SLC25A12: variants seen among roughly 807,000 people sequenced by gnomAD.
The protein encoded by SLC25A12 is electrogenic aspartate/glutamate antiporter SLC25A12, mitochondrial.
In SLC25A12, 32 loss-of-function variants were observed where a neutral mutation model predicts 83.3. The ratio of observed to expected loss-of-function variants is 0.38; its 90% CI spans 0.29 to 0.52. SLC25A12 has a LOEUF of 0.52. Among genes scored for constraint, SLC25A12 ranks in the 20% least tolerant of loss-of-function variants. The pLI is 0.84. For missense variants in SLC25A12, 611 were observed against 835.6 expected (o/e 0.73, Z 3.31); for synonymous variants, 267 against 291.1 (o/e 0.92, Z 0.84).
At chr2:171,805,955 A>G (rs1683815842) in intron 13 of SLC25A12, among the ~76,000 whole-genome samples, 1 of 152,074 alleles carries the variant, frequency 6.6e-6, no homozygotes, top group Non-Finnish European at 1.5e-5. Flanking sequence ...CAAAAAATAC[A>G]AAAATTAGCA....
Position 171,813,499 on chromosome 2 carries a change from T to C in SLC25A12, c.1013-2A>G. On this transcript the variant is annotated splice_acceptor_variant, in intron 10 of 17. Transcript: ENST00000422440. LOFTEE classifies it high-confidence loss of function. Reference sequence around the variant, plus strand: ...GATACACTGCAGTGGCTCCCACAGCTACAAACAGAACAATTTTTAGGCTTA... The same window carrying C: ...GATACACTGCAGTGGCTCCCACAGCCACAAACAGAACAATTTTTAGGCTTA... The C allele has an allele frequency of 1.2e-6, 2 of 1,613,864 alleles. No homozygotes were observed. Among genetic ancestry groups the C allele is most frequent in the Non-Finnish European group, 1.7e-6 (2 of 1,179,838 alleles).
intron 6 of SLC25A12, among the ~76,000 whole-genome samples, chr2:171,835,373 T>C (rs1268793592): frequency 6.6e-6 from 1 of 152,240 alleles, no homozygotes; most frequent in Non-Finnish European, 1.5e-5. Flanking sequence ...ATTAAAATAC[T>C]TAACAGTCTG....
At chr2:171,842,025 G>A (rs1456575575) in intron 5 of SLC25A12, among the ~76,000 whole-genome samples, 1 of 152,120 alleles carries the variant, frequency 6.6e-6, no homozygotes, top group African/African-American at 2.4e-5. Flanking sequence ...ACACTCCTAT[G>A]TATATAGCCA....
chr2:171,862,302 T>G (rs1685179767), intron 3 of SLC25A12, among the ~76,000 whole-genome samples: 1 of 152,236 alleles, frequency 6.6e-6, no homozygotes, highest in Non-Finnish European at 1.5e-5. Context: ...ATCACACAAT[T>G]ATAGTCTCTG....
At position 171,815,108 on chromosome 2, in the gene SLC25A12, A is replaced by C. The variant is rs774179500; in HGVS notation, c.1012+13T>G. On this transcript the variant is annotated intron_variant, in intron 10 of 17. Coordinates refer to ENST00000422440, the MANE Select transcript of SLC25A12 (RefSeq NM_003705.5). ...AACACAAGCCTCAAACAGCACACAG[A>C]CATGTCACTCACCTCCAGCAACTGA... 1.2e-6 allele frequency: 2 copies of C among 1,607,864 alleles called. No individual in the cohort carries two copies. Among genetic ancestry groups the C allele is most frequent in the Non-Finnish European group, 1.7e-6 (2 of 1,174,354 alleles).
intron 9 of SLC25A12, among the ~76,000 whole-genome samples, chr2:171,825,678 G>A (rs1219078775): frequency 6.6e-6 from 1 of 152,070 alleles, no homozygotes; most frequent in Non-Finnish European, 1.5e-5. Flanking sequence ...AGGAACACAG[G>A]TTCCATGTCT....
intron 9 of SLC25A12, among the ~76,000 whole-genome samples, chr2:171,822,459 C>A (rs1406278885): frequency 6.6e-6 from 1 of 152,194 alleles, no homozygotes; most frequent in Admixed American, 6.5e-5. Context: ...TCACAGCTGA[C>A]TGCAGCCTCA....
At chr2:171,873,527 T>C (rs2105921583) in intron 2 of SLC25A12, among the ~76,000 whole-genome samples, 1 of 152,270 alleles carries the variant, frequency 6.6e-6, no homozygotes, top group African/African-American at 2.4e-5. Context: ...AAGAAGACAG[T>C]GGGTACTTTT....
chr2:171,844,489 A>C lies in SLC25A12; in HGVS notation c.345T>G (p.Phe115Leu), dbSNP rs1208951327. Residue 115 changes from phenylalanine (F) to leucine (L), a missense_variant, in exon 5 of 18, where the codon TTT (phenylalanine) becomes TTG (leucine). Physicochemically the swap from Phe to Leu is conservative, Grantham distance 22. This residue lies in a region of SLC25A12 where 540 missense variants were observed against 777.5 expected (regional missense o/e 0.69). Transcript: ENST00000422440. ...EVTFENVKEI[F>L]GQTIIHHHIP... ...TATGATGATGAATAATAGTCTGTCC[A>C]AAAATTTCTTTGACATTTTCTTAAA... The C allele has an allele frequency of 1.2e-6, 2 of 1,600,412 alleles. No individual in the cohort carries two copies. Among genetic ancestry groups the C allele is most frequent in the South Asian group, 2.2e-5 (2 of 90,778 alleles).
chr2:171,861,201 A>T (rs1044316310), intron 3 of SLC25A12, among the ~76,000 whole-genome samples: 1 of 152,014 alleles, frequency 6.6e-6, no homozygotes, highest in Non-Finnish European at 1.5e-5. Context: ...AAATTCTTTC[A>T]ACTTTCTTGA....
intron 2 of SLC25A12, among the ~76,000 whole-genome samples, chr2:171,888,536 G>T (rs2105934007): frequency 6.6e-6 from 1 of 152,164 alleles, no homozygotes; most frequent in African/African-American, 2.4e-5. Context: ...CCGCTTCCCG[G>T]GTTCAAGCGA....
chr2:171,868,945 G>T, intron 2 of SLC25A12, 122 bp from the exon 3 acceptor site: 1 of 896,978 alleles, frequency 1.1e-6, no homozygotes, highest in Non-Finnish European at 1.7e-6. Context: ...GATAATAAAT[G>T]CAGAATTTTT....
chr2:171,799,318 T>C (rs527243276), intron 13 of SLC25A12, among the ~76,000 whole-genome samples: 2 of 152,334 alleles, frequency 1.3e-5, no homozygotes, highest in East Asian at 3.9e-4. Context: ...TATATAAGGA[T>C]TTTCAACTTG....
At chr2:171,837,883 C>G (rs562645603) in intron 5 of SLC25A12, among the ~76,000 whole-genome samples, 20 of 152,310 alleles carry the variant, frequency 1.3e-4, no homozygotes, top group African/African-American at 4.8e-4. Context: ...CTATCACTGG[C>G]TCTGGGCACC....
At chr2:171,844,249 T>TA in intron 5 of SLC25A12, 120 bp downstream of exon 5, 1 of 1,076,392 alleles carries the variant, frequency 9.3e-7, no homozygotes, top group Non-Finnish European at 1.4e-6. Flanking sequence ...GGGGGAAATT[T>TA]AAAAAATAGG....
chr2:171,799,851 C>T (rs1468523691), intron 13 of SLC25A12, among the ~76,000 whole-genome samples: 1 of 152,214 alleles, frequency 6.6e-6, no homozygotes, highest in African/African-American at 2.4e-5. Flanking sequence ...TCACCTGCAA[C>T]ATTAGCACTT....
intron 5 of SLC25A12, among the ~76,000 whole-genome samples, chr2:171,842,359 G>A (rs1573975394): frequency 6.6e-6 from 1 of 152,002 alleles, no homozygotes; most frequent in Non-Finnish European, 1.5e-5. Context: ...TTGGGATGCT[G>A]AGGTGGGTGG....
At chr2:171,886,615 T>C (rs917725161) in intron 2 of SLC25A12, among the ~76,000 whole-genome samples, 1 of 152,006 alleles carries the variant, frequency 6.6e-6, no homozygotes, top group African/African-American at 2.4e-5. Context: ...GTTCACGCCA[T>C]TCTCCTGCCT....
chr2:171,800,048 T>G (rs1429988858), intron 13 of SLC25A12, among the ~76,000 whole-genome samples: 1 of 152,208 alleles, frequency 6.6e-6, no homozygotes, highest in African/African-American at 2.4e-5. Flanking sequence ...CCATTTAGAT[T>G]TTTTAATATT....
Sources: allele counts gnomAD v4.1 joint callset (sites outside exome capture counted in the v4.1 genomes callset), GRCh38; gene constraint gnomAD v4.1.1; regional missense constraint gnomAD v4.1.1; transcripts MANE v1.5; gene names NCBI Gene and HGNC (gene_info 2026-07-23, HGNC 2026-07-21).